Variants in CEP20 observed in about 807,000 individuals in gnomAD.
The protein encoded by CEP20 is FGFR1OP N-terminal like.
CEP20 carries 18 observed loss-of-function variants against 20.0 expected under a neutral mutation model. The ratio of observed to expected loss-of-function variants is 0.90; its 90% CI spans 0.62 to 1.34. The LOEUF (loss-of-function observed/expected upper bound fraction) is 1.34, where lower values mean the gene tolerates loss of function less well. CEP20 is among the 40% of genes most tolerant of loss of function. The pLI is 0.00. For missense variants in CEP20, 215 were observed against 201.6 expected (o/e 1.07, Z -0.40); for synonymous variants, 77 against 73.7 (o/e 1.04, Z -0.23).
At chr16:15,869,177 A>C (rs72773957) in intron 4 of CEP20, among the ~76,000 whole-genome samples, 10,138 of 152,188 alleles carry the variant, frequency 0.067, 459 homozygotes, top group East Asian at 0.22. Context: ...CAGCAGCAGT[A>C]CAAATGCACT....
intron 3 of CEP20, among the ~76,000 whole-genome samples, chr16:15,875,395 G>T (rs60032350): frequency 0.069 from 10,537 of 152,160 alleles, 488 homozygotes; most frequent in East Asian, 0.22. Flanking sequence ...GGGGGCTCAG[G>T]CCTGTAATCC....
At chr16:15,874,465 C>A (rs2044895380) in intron 3 of CEP20, among the ~76,000 whole-genome samples, 1 of 152,128 alleles carries the variant, frequency 6.6e-6, no homozygotes, top group Admixed American at 6.6e-5. Context: ...TACACTTGAA[C>A]CCCAAATCCC....
At chr16:15,883,470 C>T (rs2045160824) in intron 2 of CEP20, among the ~76,000 whole-genome samples, 1 of 152,048 alleles carries the variant, frequency 6.6e-6, no homozygotes, top group African/African-American at 2.4e-5. Flanking sequence ...CATGATCACC[C>T]CCTCCCCGAC....
rs372262999 is a variant in CEP20, at chr16:15,884,131, C to T, written c.103G>A (p.Ala35Thr). 320 of 1,614,032 alleles carry T rather than the reference C, an allele frequency of 2.0e-4. No homozygotes were observed. Among genetic ancestry groups the T allele is most frequent in the Non-Finnish European group, 2.5e-4 (300 of 1,180,014 alleles). The change falls in exon 2 of 5, where the codon GCC becomes ACC. Residue 35 changes from alanine (A) to threonine (T), a missense_variant. Ala to Thr is a moderately conservative substitution (Grantham distance 58, BLOSUM62 0). Coordinates refer to ENST00000255759, the MANE Select transcript of CEP20 (RefSeq NM_144600.4). ...CGGGGTTCACGGTCATCATCTAGGG[C>T]ATTGAAAACTTCAGCTCGGATCCTT... is the stretch of plus-strand genomic sequence containing the variant. Reference protein sequence around the residue: ...KARIRAEVFNALDDDREPRPS... With the variant: ...KARIRAEVFNTLDDDREPRPS...
At chr16:15,879,081 A>T (rs562832899) in intron 3 of CEP20, among the ~76,000 whole-genome samples, 1 of 152,140 alleles carries the variant, frequency 6.6e-6, no homozygotes, top group South Asian at 2.1e-4. Context: ...AATAGAAAAA[A>T]ACTAAGAAAA....
In CEP20 at chr16:15,866,619, T is replaced by C. The variant is rs1410995687; in HGVS notation, c.*821A>G. ...GGCTGGCCCTCTTCTGGCTCATCTG[T>C]GATTGCACAACCGAGGGCCACACGG... On this transcript the variant is annotated 3_prime_UTR_variant, in exon 5 of 5. Coordinates refer to ENST00000255759, the MANE Select transcript of CEP20 (RefSeq NM_144600.4). The C allele has an allele frequency of 1.3e-5, 2 of 152,242 alleles. No individual in the cohort carries two copies. The highest frequency in any genetic ancestry group is 4.8e-5 in the African/African-American group (2 of 41,462). The allele number at this position is 152,242 out of a possible 1,614,324, so 9.4% of individuals were successfully genotyped here.
chr16:15,869,700 T>TAG (rs61440059), intron 4 of CEP20, among the ~76,000 whole-genome samples: 10,119 of 152,214 alleles, frequency 0.066, 455 homozygotes, highest in East Asian at 0.22. Flanking sequence ...TGCTGTGATG[T>TAG]AGAATAAGGA....
chr16:15,886,469 T>C (rs562335837), intron 1 of CEP20, among the ~76,000 whole-genome samples: 1 of 152,176 alleles, frequency 6.6e-6, no homozygotes, highest in East Asian at 1.9e-4. Flanking sequence ...TCTTTGGAAA[T>C]TGGATGGAGA....
chr16:15,884,557 AGT>A (rs1483171244), intron 1 of CEP20, among the ~76,000 whole-genome samples: 1 of 152,100 alleles, frequency 6.6e-6, no homozygotes, highest in African/African-American at 2.4e-5. Context: ...GCTGGAGTGC[AGT>A]GGCACGATCT....
At chr16:15,877,117 G>A (rs2044972210) in intron 3 of CEP20, 1 of 152,370 alleles carries the variant, frequency 6.6e-6, no homozygotes, top group African/African-American at 2.4e-5. Context: ...CTCCCAAAGT[G>A]CTGAGATTAC....
At chr16:15,867,834 G>C (rs1043090987) in intron 4 of CEP20, among the ~76,000 whole-genome samples, 6 of 152,120 alleles carry the variant, frequency 3.9e-5, no homozygotes, top group African/African-American at 1.4e-4. Context: ...TTACCCGGGC[G>C]TGGTGGCAGG....
rs2044679391 is a variant in CEP20, at chr16:15,866,382, T to G, written c.*1058A>C. On this transcript the variant is annotated 3_prime_UTR_variant, in exon 5 of 5. Coordinates refer to ENST00000255759, the MANE Select transcript of CEP20 (RefSeq NM_144600.4). ...AGTGTTTAGGTGTGCAGGCAAAATT[T>G]AATTCTGAATATACCATCGAACTTT... 1 of 152,238 alleles carries G rather than the reference T, an allele frequency of 6.6e-6. No homozygotes were observed. Among genetic ancestry groups the G allele is most frequent in the Non-Finnish European group, 1.5e-5 (1 of 68,038 alleles). 9.4% of individuals were successfully genotyped at this position (152,238 alleles called of 1,614,324 possible). A position where few individuals can be genotyped will look rare whatever the true frequency, so the allele number is the denominator to read the frequency against.
At chr16:15,883,969 G>C (rs372021699) in intron 2 of CEP20, 39 bp downstream of exon 2, 206 of 1,533,910 alleles carry the variant, frequency 1.3e-4, no homozygotes, top group Non-Finnish European at 1.8e-4. Context: ...TGGGGAAAGG[G>C]GAGAAACAGA....
chr16:15,886,149 A>T (rs531514085), intron 1 of CEP20: 2 of 152,370 alleles, frequency 1.3e-5, no homozygotes, highest in South Asian at 4.2e-4. Flanking sequence ...GGCACCAAGT[A>T]AGTACATCAC....
intron 3 of CEP20, chr16:15,877,130 G>A (rs1291043261): frequency 6.6e-6 from 1 of 152,356 alleles, no homozygotes; most frequent in Non-Finnish European, 1.5e-5. Flanking sequence ...GAGATTACAG[G>A]CGTGAGCCAA....
chr16:15,882,447 T>C (rs2045121652), intron 2 of CEP20, among the ~76,000 whole-genome samples: 1 of 151,922 alleles, frequency 6.6e-6, no homozygotes, highest in Non-Finnish European at 1.5e-5. Flanking sequence ...GGAGAATCAC[T>C]TGAACCCAGG....
chr16:15,877,881 C>G (rs907254975), intron 3 of CEP20, among the ~76,000 whole-genome samples: 1 of 151,844 alleles, frequency 6.6e-6, no homozygotes, highest in Non-Finnish European at 1.5e-5. Context: ...ATGGTGAAAC[C>G]CCATCTCTAC....
Position 15,879,876 on chromosome 16 carries a change from G to A in CEP20, c.239C>T (p.Pro80Leu). The A allele has an allele frequency of 1.3e-6, 2 of 1,581,178 alleles. No homozygotes were observed. The highest frequency in any genetic ancestry group is 1.2e-5 in the South Asian group (1 of 85,848). The change falls in exon 3 of 5, where the codon CCT becomes CTT. Residue 80 changes from proline to leucine, a missense_variant. Transcript: ENST00000255759. ...AAACTGTCTGTCCAACGGAACTACA[G>A]GTTGACCAGATTCTGGGAGAAATAA... ...ASVLIAESGQPVVPLDRQFLI... is the reference protein window; with the variant it reads ...ASVLIAESGQLVVPLDRQFLI...
intron 4 of CEP20, among the ~76,000 whole-genome samples, chr16:15,870,699 C>T (rs7185792): frequency 2.0e-5 from 3 of 151,802 alleles, no homozygotes; most frequent in African/African-American, 2.4e-5. Flanking sequence ...CCTATAGTCC[C>T]GGCTACTTGG....
Sources: gnomAD v4.1 joint callset for allele counts (sites outside exome capture counted in the v4.1 genomes callset) on GRCh38, gnomAD v4.1.1 for gene constraint, MANE v1.5 for transcripts, NCBI Gene and HGNC (gene_info 2026-07-23, HGNC 2026-07-21) for gene names.